Variants in PLEKHA6 observed in about 807,000 individuals in gnomAD.
PLEKHA6 encodes the protein pleckstrin homology domain-containing family A member 6.
Under a neutral mutation model 116.7 loss-of-function variants are expected in PLEKHA6, and 60 were observed. The observed-to-expected ratio is 0.51, with a 90% CI of 0.42 to 0.64. The LOEUF (loss-of-function observed/expected upper bound fraction) is 0.64, where lower values mean the gene tolerates loss of function less well. PLEKHA6 is among the 30% of genes least tolerant of loss of function. The pLI is 0.00. For synonymous variants in PLEKHA6, 489 were observed against 556.1 expected (o/e 0.88, Z 1.70); for missense variants, 1,338 against 1,422.7 (o/e 0.94, Z 0.96).
chr1:204,288,863 A>G (rs1370831096), intron 1 of PLEKHA6, among the ~76,000 whole-genome samples: 2 of 152,246 alleles, frequency 1.3e-5, no homozygotes, highest in Non-Finnish European at 2.9e-5. Flanking sequence ...ACTGCTTCAT[A>G]TCTGCATAAA....
At chr1:204,289,579 C>T (rs528297485) in intron 1 of PLEKHA6, among the ~76,000 whole-genome samples, 1 of 152,244 alleles carries the variant, frequency 6.6e-6, no homozygotes, top group Non-Finnish European at 1.5e-5. Context: ...GGCTGCACTG[C>T]ATTCCCACTT....
intron 2 of PLEKHA6, among the ~76,000 whole-genome samples, chr1:204,370,791 C>T (rs1471395850): frequency 6.6e-6 from 1 of 152,162 alleles, no homozygotes; most frequent in Non-Finnish European, 1.5e-5. Context: ...CAGTGGCTCA[C>T]ACCTATAATC....
At chr1:204,246,682 G>A (rs1663732227) in intron 13 of PLEKHA6, among the ~76,000 whole-genome samples, 1 of 152,154 alleles carries the variant, frequency 6.6e-6, no homozygotes, top group Non-Finnish European at 1.5e-5. Context: ...AAAAGAACAA[G>A]AACTCCCCAA....
chr1:204,332,848 T>G (rs147293451), intron 1 of PLEKHA6, among the ~76,000 whole-genome samples: 1 of 152,208 alleles, frequency 6.6e-6, no homozygotes, highest in Non-Finnish European at 1.5e-5. Flanking sequence ...CCTCCAAGCC[T>G]CAGTTATAAA....
At chr1:204,240,536 GA>G in intron 17 of PLEKHA6, among the ~76,000 whole-genome samples, 2 of 152,254 alleles carry the variant, frequency 1.3e-5, no homozygotes, top group East Asian at 1.9e-4. Context: ...TTTATCATAT[GA>G]CATAGGATTT....
chr1:204,370,444 G>A (rs1388911645), intron 2 of PLEKHA6, among the ~76,000 whole-genome samples: 3 of 152,258 alleles, frequency 2.0e-5, no homozygotes. Context: ...TCCCCGCACT[G>A]TGACCCACAC....
intron 6 of PLEKHA6, among the ~76,000 whole-genome samples, chr1:204,264,375 G>A (rs753614648): frequency 1.4e-4 from 22 of 152,296 alleles, no homozygotes; most frequent in Non-Finnish European, 2.8e-4. Flanking sequence ...CCATGTTCCT[G>A]TGCACTTGTT....
chr1:204,282,541 G>A, intron 1 of PLEKHA6: 1 of 612,978 alleles, frequency 1.6e-6, no homozygotes, highest in South Asian at 7.3e-5. Context: ...AAGAGTTAAT[G>A]CCTGGCACCA....
intron 1 of PLEKHA6, among the ~76,000 whole-genome samples, chr1:204,293,375 TCCGC>T (rs1669966336): frequency 6.6e-6 from 1 of 152,240 alleles, no homozygotes; most frequent in Non-Finnish European, 1.5e-5. Flanking sequence ...CCTCAGGTGA[TCCGC>T]CCGCCTTGGC....
chr1:204,360,867 T>C (rs1371178983), upstream of PLEKHA6, among the ~76,000 whole-genome samples: 2 of 152,184 alleles, frequency 1.3e-5, no homozygotes, highest in Non-Finnish European at 2.9e-5. Context: ...CGTAGCTCTG[T>C]TTCTGCTTAG....
chr1:204,301,287 C>A lies in PLEKHA6; in HGVS notation c.-94-26478G>T, dbSNP rs77985365. On this transcript the variant is annotated intron_variant, in intron 1 of 22. Transcript: ENST00000272203. The stretch of plus-strand genomic sequence containing the variant: ...CAGCGAGTCAAAGCACTTGCCTCAT[C>A]ACCAGTCTGGAGAGTCTCTGGGTTC... 1.9e-3 allele frequency: 1,896 copies of A among 974,472 alleles called. 18 individuals are homozygous for A. The African/African-American group carries it at 0.026, about 14-fold the overall frequency. The allele number at this position is 974,472 out of a possible 1,614,324, so 60.4% of individuals were successfully genotyped here. A position where few individuals can be genotyped will look rare whatever the true frequency, so the allele number is the denominator to read the frequency against.
chr1:204,261,512 T>C lies in PLEKHA6; in HGVS notation c.382-64A>G. ...CATCCACCCAGCACACAGTCACCTGTTGGGAGAAGACACCAACGCCCACAG... is the reference window on the plus strand; with the variant it reads ...CATCCACCCAGCACACAGTCACCTGCTGGGAGAAGACACCAACGCCCACAG... On this transcript the variant is annotated intron_variant, in intron 6 of 22. Coordinates refer to ENST00000272203, the MANE Select transcript of PLEKHA6 (RefSeq NM_014935.5). This position sits in a 1 kb window ranked among gnomAD's most constrained non-coding sequence, Gnocchi z 4.0. 1 of 1,518,274 alleles carries C rather than the reference T, an allele frequency of 6.6e-7. No homozygotes were observed. Among genetic ancestry groups the C allele is most frequent in the Non-Finnish European group, 8.9e-7 (1 of 1,129,506 alleles). 94.1% of individuals were successfully genotyped at this position (1,518,274 alleles called of 1,614,324 possible).
intron 4 of PLEKHA6, among the ~76,000 whole-genome samples, chr1:204,267,984 A>G (rs989203099): frequency 2.3e-5 from 2 of 86,810 alleles, no homozygotes; most frequent in Non-Finnish European, 5.4e-5. Flanking sequence ...GCATCTGTCC[A>G]TCAGGAAACC....
intron 1 of PLEKHA6, among the ~76,000 whole-genome samples, chr1:204,337,371 C>G (rs1672685839): frequency 1.3e-5 from 2 of 152,132 alleles, no homozygotes; most frequent in Admixed American, 1.3e-4. Context: ...CCAAGCAAGC[C>G]CCTTCCCAGT....
Position 204,248,925 on chromosome 1 carries a change from T to A in PLEKHA6, c.1720A>T (p.Met574Leu), listed in dbSNP as rs753132901. The A allele has an allele frequency of 6.2e-7, 1 of 1,614,100 alleles. No individual in the cohort carries two copies. The highest frequency in any genetic ancestry group is 8.5e-7 in the Non-Finnish European group (1 of 1,179,992). ...ALMGTHQELE[M>L]FGSQPAYPEK... The stretch of plus-strand genomic sequence containing the variant: ...GGGTAGGCGGGCTGGCTTCCAAACA[T>A]CTCCAGCTCCTGGTGGGTCCCCATC... Residue 574 changes from methionine (M) to leucine (L), a missense_variant, in exon 12 of 23, where the codon ATG becomes TTG. Transcript: ENST00000272203.
rs1200933706 is a variant in PLEKHA6, at chr1:204,250,533, G to GCGCT, written c.1593+9_1593+12dup. 6.3e-7 allele frequency: 1 copy of GCGCT among 1,591,272 alleles called. No homozygotes were observed. The highest frequency in any genetic ancestry group is 8.6e-7 in the Non-Finnish European group (1 of 1,160,042). On this transcript the variant is annotated intron_variant, in intron 10 of 22. Coordinates refer to ENST00000272203, the MANE Select transcript of PLEKHA6 (RefSeq NM_014935.5). ...CTGGAGTGGAGGGAGGGAGCAGGGG[G>GCGCT]CGCTGCTCTTACATCTGTGTCTTGC...
rs1226599245 is a variant in PLEKHA6, at chr1:204,257,461, G to A, written c.1416C>T (p.Ser472=). Residue 472 remains serine, a synonymous_variant, in exon 9 of 23, where the codon TCC becomes TCT. Transcript: ENST00000272203. The surrounding 1 kb of genome is among the most constrained non-coding windows in gnomAD (Gnocchi z 6.5). ...QGSYSRARIY[S]PVRSPSARFE... The stretch of plus-strand genomic sequence containing the variant: ...AACGGGCACTGGGTGAGCGGACAGG[G>A]GAGTAAATGCGGGCACGGCTGTAGG... 5 of 1,572,404 alleles carry A rather than the reference G, an allele frequency of 3.2e-6. No individual in the cohort carries two copies. Among genetic ancestry groups the A allele is most frequent in the South Asian group, 1.2e-5 (1 of 86,186 alleles).
chr1:204,265,093 G>T, intron 5 of PLEKHA6, 51 bp from the exon 6 acceptor site: 1 of 1,305,228 alleles, frequency 7.7e-7, no homozygotes, highest in Non-Finnish European at 1.1e-6. Flanking sequence ...GTGCAAGCGT[G>T]TGCGTGCGCC....
intron 1 of PLEKHA6, among the ~76,000 whole-genome samples, chr1:204,282,027 C>G (rs1437278193): frequency 2.6e-5 from 4 of 152,308 alleles, no homozygotes; most frequent in African/African-American, 9.6e-5. Context: ...AATCACAAAT[C>G]AGGGGGCCAG....
Sources: allele counts gnomAD v4.1 joint callset (sites outside exome capture counted in the v4.1 genomes callset), GRCh38; gene constraint gnomAD v4.1.1; non-coding constraint Gnocchi (gnomAD v3.1); transcripts MANE v1.5; gene names NCBI Gene and HGNC (gene_info 2026-07-23, HGNC 2026-07-21).